COP1: variants seen among roughly 807,000 people sequenced by gnomAD.
COP1 encodes E3 ubiquitin-protein ligase COP1.
In COP1, 24 loss-of-function variants were observed where a neutral mutation model predicts 101.3. The ratio of observed to expected loss-of-function variants is 0.24; its 90% CI spans 0.17 to 0.33. The LOEUF (loss-of-function observed/expected upper bound fraction) is 0.33. Ranked by LOEUF, COP1 falls within the 10% of genes least tolerant of loss-of-function variation. The probability of loss-of-function intolerance (pLI) is 1.00; values close to 1 mark genes in which losing one functional copy is unlikely to be tolerated. For synonymous variants in COP1, 347 were observed against 341.9 expected (o/e 1.01, Z -0.17); for missense variants, 663 against 906.2 (o/e 0.73, Z 3.45).
intron 18 of COP1, among the ~76,000 whole-genome samples, chr1:175,976,443 A>T (rs1052208112): frequency 6.6e-6 from 1 of 151,622 alleles, no homozygotes; most frequent in Non-Finnish European, 1.5e-5. Context: ...ATGCCTGCCT[A>T]ATTATTGTAT....
At chr1:176,187,081 T>C (rs780379239) in intron 1 of COP1, among the ~76,000 whole-genome samples, 21 of 152,282 alleles carry the variant, frequency 1.4e-4, no homozygotes, top group Non-Finnish European at 1.9e-4. Context: ...TTAAAGCCAA[T>C]AGCTTTTAAG....
At chr1:176,199,541 C>T (rs951988003) in intron 1 of COP1, among the ~76,000 whole-genome samples, 1 of 151,952 alleles carries the variant, frequency 6.6e-6, no homozygotes, top group Non-Finnish European at 1.5e-5. Context: ...TTTTAACTAG[C>T]AAATATATAA....
intron 8 of COP1, among the ~76,000 whole-genome samples, chr1:176,122,738 A>G (rs1326584893): frequency 1.3e-5 from 2 of 152,218 alleles, no homozygotes; most frequent in South Asian, 2.1e-4. Flanking sequence ...TTATTACATA[A>G]TAATTCTGAA....
intron 1 of COP1, among the ~76,000 whole-genome samples, chr1:176,205,376 GACATCATTT>G (rs1331587602): frequency 3.9e-5 from 6 of 152,138 alleles, no homozygotes; most frequent in Non-Finnish European, 8.8e-5. Context: ...GGTGAATAAA[GACATCATTT>G]TTCTGCAGGA....
chr1:176,161,226 C>T (rs567710069), intron 5 of COP1, among the ~76,000 whole-genome samples: 2 of 151,956 alleles, frequency 1.3e-5, no homozygotes, highest in South Asian at 2.1e-4. Context: ...CTTTAAAATC[C>T]CTAATTTACT....
intron 1 of COP1, among the ~76,000 whole-genome samples, chr1:176,189,147 T>C (rs12143425): frequency 1.3e-5 from 2 of 151,932 alleles, no homozygotes; most frequent in Admixed American, 6.6e-5. Flanking sequence ...GAAAGACACA[T>C]TACATGCAGA....
intron 2 of COP1, among the ~76,000 whole-genome samples, chr1:176,184,367 A>C (rs1385147474): frequency 6.6e-6 from 1 of 152,192 alleles, no homozygotes; most frequent in African/African-American, 2.4e-5. Flanking sequence ...AACAGGAGTG[A>C]AAAGTTCCTA....
At chr1:175,988,643 G>T (rs1051770415) in intron 16 of COP1, 2 of 375,956 alleles carry the variant, frequency 5.3e-6, no homozygotes, top group Admixed American at 8.2e-5. Context: ...GACCAGCCTG[G>T]CCAACATAGC....
At chr1:176,021,522 T>C (rs1409257931) in intron 15 of COP1, among the ~76,000 whole-genome samples, 1 of 152,148 alleles carries the variant, frequency 6.6e-6, no homozygotes, top group African/African-American at 2.4e-5. Flanking sequence ...TGGTAAGTAA[T>C]GAATGACTAA....
chr1:176,115,609 C>T lies in COP1; in HGVS notation c.1026+1015G>A, dbSNP rs190166546. 1.1e-4 allele frequency among the ~76,000 whole-genome samples: 16 copies of T among 151,578 alleles called. No homozygotes were observed. The East Asian group carries it at 2.1e-3, about 20-fold the overall frequency. On this transcript the variant is annotated intron_variant, in intron 9 of 19. Transcript: ENST00000367669. ...TAAAACTACAAAAAAATTAGCTGGG[C>T]GTGGTGGCGCGTGCCTGTAGTCCCG...
intron 11 of COP1, among the ~76,000 whole-genome samples, chr1:176,059,038 T>A (rs1340827319): frequency 6.6e-6 from 1 of 152,250 alleles, no homozygotes; most frequent in African/African-American, 2.4e-5. Flanking sequence ...ACACCAGCAC[T>A]GCCCTCTAAC....
intron 7 of COP1, 93 bp downstream of exon 7, chr1:176,136,395 T>C (rs1689801882): frequency 1.4e-6 from 1 of 735,178 alleles, no homozygotes; most frequent in South Asian, 1.9e-5. Flanking sequence ...CTAAGACCAA[T>C]CCCATAAACT....
intron 11 of COP1, among the ~76,000 whole-genome samples, chr1:176,064,378 T>C (rs533348592): frequency 6.6e-6 from 1 of 152,168 alleles, no homozygotes; most frequent in Non-Finnish European, 1.5e-5. Flanking sequence ...TCTAAGACAA[T>C]ATATGCTCAA....
intron 18 of COP1, among the ~76,000 whole-genome samples, chr1:175,974,227 T>C (rs546912242): frequency 1.3e-5 from 2 of 152,268 alleles, no homozygotes; most frequent in Non-Finnish European, 2.9e-5. Flanking sequence ...ATTCAATATA[T>C]ATTAAAGGAA....
intron 7 of COP1, 92 bp from the exon 8 acceptor site, chr1:176,135,178 G>C (rs1689602623): frequency 1.2e-6 from 1 of 811,032 alleles, no homozygotes; most frequent in African/African-American, 1.8e-5. Flanking sequence ...TCTATTCCCA[G>C]GTTTTCATCA....
rs556032670 is a variant in COP1 at position 175,980,568 on chromosome 1, T to C, written c.2133+6375A>G. ...GCACTTGGTTTCAGAGAGGGGAAAT[T>C]TGGAAATCTGTTATCCTGATCCCTG... On this transcript the variant is annotated intron_variant, in intron 18 of 19. Coordinates refer to ENST00000367669, the MANE Select transcript of COP1 (RefSeq NM_022457.7). 1.1e-3 allele frequency among the ~76,000 whole-genome samples: 168 copies of C among 152,198 alleles called. 1 individual carries two copies. The highest frequency in any genetic ancestry group is 3.9e-3 in the African/African-American group (163 of 41,546).
intron 11 of COP1, among the ~76,000 whole-genome samples, chr1:176,076,270 A>G (rs1441278195): frequency 6.6e-6 from 1 of 152,186 alleles, no homozygotes; most frequent in African/African-American, 2.4e-5. Context: ...CACACCAAGC[A>G]TAACTCTTGG....
intron 18 of COP1, among the ~76,000 whole-genome samples, chr1:175,962,304 G>A (rs1025711423): frequency 1.3e-5 from 2 of 152,052 alleles, no homozygotes; most frequent in African/African-American, 2.4e-5. Context: ...TCCTGTACCA[G>A]GAAAGGGATA....
chr1:175,980,044 T>G (rs1041571047), intron 18 of COP1, among the ~76,000 whole-genome samples: 2 of 152,188 alleles, frequency 1.3e-5, no homozygotes, highest in Non-Finnish European at 2.9e-5. Context: ...CCAAACACTT[T>G]ATGTGCATCA....
Sources: allele counts gnomAD v4.1 joint callset (sites outside exome capture counted in the v4.1 genomes callset), GRCh38; gene constraint gnomAD v4.1.1; transcripts MANE v1.5; gene names NCBI Gene and HGNC (gene_info 2026-07-23, HGNC 2026-07-21).